PPP3CA: variants seen among roughly 807,000 people sequenced by gnomAD.
The protein encoded by PPP3CA is CAM-PRP catalytic subunit.
Under a neutral mutation model 66.5 loss-of-function variants are expected in PPP3CA, and 14 were observed. That is an observed-to-expected ratio of 0.21 (90% CI 0.14 to 0.33). PPP3CA has a LOEUF of 0.33. Among genes scored for constraint, PPP3CA ranks in the 10% least tolerant of loss-of-function variants. The pLI is 1.00. For missense variants in PPP3CA, 317 were observed against 639.5 expected (o/e 0.50, Z 5.44); for synonymous variants, 232 against 226.2 (o/e 1.03, Z -0.23).
chr4:101,109,610 A>T (rs1721596154), intron 2 of PPP3CA, among the ~76,000 whole-genome samples: 1 of 150,198 alleles, frequency 6.7e-6, no homozygotes, highest in Admixed American at 6.7e-5. Flanking sequence ...TGAATCTAGA[A>T]TGTTATCCAT....
chr4:101,171,735 T>C (rs1353713697), intron 2 of PPP3CA, among the ~76,000 whole-genome samples: 1 of 152,162 alleles, frequency 6.6e-6, no homozygotes, highest in Non-Finnish European at 1.5e-5. Context: ...ATTAATTTAC[T>C]TGGTAAAAAA....
chr4:101,125,229 C>G (rs890927687), intron 2 of PPP3CA, among the ~76,000 whole-genome samples: 1 of 152,148 alleles, frequency 6.6e-6, no homozygotes, highest in Non-Finnish European at 1.5e-5. Context: ...AAATGCAGTA[C>G]AATATAAACA....
At chr4:101,345,381 C>A (rs991066875) in intron 1 of PPP3CA, among the ~76,000 whole-genome samples, 1 of 152,202 alleles carries the variant, frequency 6.6e-6, no homozygotes, top group African/African-American at 2.4e-5. Flanking sequence ...GGTTACTTCA[C>A]TTTTAAGTGC....
chr4:101,208,208 A>G (rs1041403808), intron 1 of PPP3CA, among the ~76,000 whole-genome samples: 16 of 152,142 alleles, frequency 1.1e-4, no homozygotes, highest in African/African-American at 3.9e-4. Flanking sequence ...TGTAAGATAT[A>G]GGATATGTTA....
rs901076932 is a variant in PPP3CA, at chr4:101,197,905, T to A, written c.59-1789A>T. 1.1e-4 allele frequency among the ~76,000 whole-genome samples: 16 copies of A among 152,162 alleles called. 1 individual carries two copies. The highest frequency in any genetic ancestry group is 3.6e-4 in the African/African-American group (15 of 41,436). Reference sequence around the variant, plus strand: ...AATACCTGTAACAAATAAACTACATTACTTCCCAGAAAGTACTCGATAGGG... The same window carrying A: ...AATACCTGTAACAAATAAACTACATAACTTCCCAGAAAGTACTCGATAGGG... On this transcript the variant is annotated intron_variant, in intron 1 of 13. Coordinates refer to ENST00000394854, the MANE Select transcript of PPP3CA (RefSeq NM_000944.5).
intron 2 of PPP3CA, among the ~76,000 whole-genome samples, chr4:101,129,833 C>T (rs1404960527): frequency 3.3e-5 from 5 of 152,086 alleles, no homozygotes; most frequent in South Asian, 2.1e-4. Flanking sequence ...ACCAGAATGC[C>T]TCTTCTCCTC....
At chr4:101,206,021 G>C (rs572919657) in intron 1 of PPP3CA, among the ~76,000 whole-genome samples, 22 of 152,266 alleles carry the variant, frequency 1.4e-4, no homozygotes, top group African/African-American at 5.3e-4. Context: ...GCCCTACTCG[G>C]GTAGGCTCTA....
At chr4:101,183,736 A>T (rs182095786) in intron 2 of PPP3CA, among the ~76,000 whole-genome samples, 1 of 152,102 alleles carries the variant, frequency 6.6e-6, no homozygotes, top group South Asian at 2.1e-4. Context: ...TTCTTGATCC[A>T]AGTTTTTTTA....
intron 2 of PPP3CA, among the ~76,000 whole-genome samples, chr4:101,130,226 A>C (rs1444816856): frequency 6.6e-6 from 1 of 152,146 alleles, no homozygotes; most frequent in Non-Finnish European, 1.5e-5. Flanking sequence ...GAACAAACAA[A>C]GCCTCCAAGA....
intron 2 of PPP3CA, among the ~76,000 whole-genome samples, chr4:101,181,772 GA>G (rs1054117170): frequency 6.6e-6 from 1 of 152,078 alleles, no homozygotes; most frequent in Admixed American, 6.6e-5. Context: ...GCACACAAAT[GA>G]GTTGTCACAT....
chr4:101,104,606 G>A (rs79195775), intron 3 of PPP3CA, among the ~76,000 whole-genome samples: 11 of 152,044 alleles, frequency 7.2e-5, no homozygotes, highest in African/African-American at 2.4e-4. Context: ...TAAAAGGAAC[G>A]TATTTACATG....
intron 8 of PPP3CA, among the ~76,000 whole-genome samples, chr4:101,074,252 G>GC (rs1269479564): frequency 1.3e-5 from 2 of 152,096 alleles, no homozygotes; most frequent in Non-Finnish European, 2.9e-5. Context: ...ACTTGGAGAC[G>GC]CCTGGGTATA....
At chr4:101,166,292 T>C (rs1723691686) in intron 2 of PPP3CA, among the ~76,000 whole-genome samples, 1 of 152,174 alleles carries the variant, frequency 6.6e-6, no homozygotes, top group Non-Finnish European at 1.5e-5. Flanking sequence ...CTTTGGTGTC[T>C]GATAACCCAT....
chr4:101,076,028 A>AG (rs1430683006), intron 8 of PPP3CA, among the ~76,000 whole-genome samples: 1 of 152,184 alleles, frequency 6.6e-6, no homozygotes, highest in African/African-American at 2.4e-5. Context: ...TCACTTTTAC[A>AG]GGGGGCAAAT....
At chr4:101,250,591 T>C (rs1726643786) in intron 1 of PPP3CA, among the ~76,000 whole-genome samples, 1 of 152,114 alleles carries the variant, frequency 6.6e-6, no homozygotes, top group Non-Finnish European at 1.5e-5. Context: ...AAAATACATA[T>C]TTTTCCCACA....
chr4:101,085,716 T>G (rs1729634864), intron 6 of PPP3CA, among the ~76,000 whole-genome samples: 1 of 152,142 alleles, frequency 6.6e-6, no homozygotes, highest in African/African-American at 2.4e-5. Flanking sequence ...TTACCTAGGA[T>G]ATACAGAAGT....
intron 1 of PPP3CA, among the ~76,000 whole-genome samples, chr4:101,304,571 A>G (rs979242560): frequency 2.6e-5 from 4 of 152,242 alleles, no homozygotes; most frequent in African/African-American, 9.6e-5. Flanking sequence ...TGTTATGTAA[A>G]GTGTTCAAAA....
At chr4:101,172,197 A>C (rs558503351) in intron 2 of PPP3CA, among the ~76,000 whole-genome samples, 1 of 152,288 alleles carries the variant, frequency 6.6e-6, no homozygotes, top group South Asian at 2.1e-4. Context: ...AAAATCCTCA[A>C]CATGAGTATG....
At chr4:101,260,707 C>T (rs955255278) in intron 1 of PPP3CA, among the ~76,000 whole-genome samples, 3 of 152,132 alleles carry the variant, frequency 2.0e-5, no homozygotes, top group African/African-American at 4.8e-5. Flanking sequence ...AAGCAACCTT[C>T]GTTCATCAAA....
Sources: allele counts gnomAD v4.1 joint callset (sites outside exome capture counted in the v4.1 genomes callset), GRCh38; gene constraint gnomAD v4.1.1; transcripts MANE v1.5; gene names NCBI Gene and HGNC (gene_info 2026-07-23, HGNC 2026-07-21).